ESYT3: variants seen among roughly 807,000 people sequenced by gnomAD.
ESYT3 encodes the protein extended synaptotagmin 3.
A neutral mutation model predicts 111.5 loss-of-function variants in ESYT3; 101 were observed. That is an observed-to-expected ratio of 0.91 (90% CI 0.77 to 1.07). The LOEUF is 1.07. Ranked by LOEUF, ESYT3 falls within the 50% of genes least tolerant of loss-of-function variation. The probability of loss-of-function intolerance (pLI) is 0.00; values close to 1 mark genes in which losing one functional copy is unlikely to be tolerated. For synonymous variants in ESYT3, 416 were observed against 446.8 expected (o/e 0.93, Z 0.87); for missense variants, 1,097 against 1,109.4 (o/e 0.99, Z 0.16).
At chr3:138,459,583 G>C (rs2032504048) in intron 5 of ESYT3, among the ~76,000 whole-genome samples, 1 of 152,224 alleles carries the variant, frequency 6.6e-6, no homozygotes. Flanking sequence ...CCCAGGAGGT[G>C]AAAATAACTC....
chr3:138,441,253 T>A (rs972848177), intron 1 of ESYT3, among the ~76,000 whole-genome samples: 7 of 152,170 alleles, frequency 4.6e-5, no homozygotes, highest in African/African-American at 1.7e-4. Context: ...ACTGCTTCAT[T>A]TACAAGGGGC....
At chr3:138,439,596 CACTG>C (rs1046837191) in intron 1 of ESYT3, among the ~76,000 whole-genome samples, 2 of 152,208 alleles carry the variant, frequency 1.3e-5, no homozygotes, top group Admixed American at 6.5e-5. Context: ...ATCAGCCCTT[CACTG>C]ACCCGTGAAT....
In ESYT3 at chr3:138,472,582, G is replaced by T. The variant is rs762941044; in HGVS notation, c.1960G>T (p.Ala654Ser). Residue 654 changes from alanine to serine, a missense_variant, in exon 18 of 23, where the codon GCC (alanine) becomes TCC (serine). By Grantham distance (99) the Ala-to-Ser change is moderately conservative. Transcript: ENST00000389567. ...TTTTTSATTV[A>S]TEPTSQETGP... Reference sequence around the variant, plus strand: ...AACCACCACCAGTGCTACCACCGTTGCCACTGAGCCCACATCCCAAGAGAC... The same window carrying T: ...AACCACCACCAGTGCTACCACCGTTTCCACTGAGCCCACATCCCAAGAGAC... The T allele has an allele frequency of 1.5e-5, 25 of 1,614,112 alleles. No individual in the cohort carries two copies. The highest frequency in any genetic ancestry group is 2.1e-5 in the Non-Finnish European group (25 of 1,180,050).
At chr3:138,453,640 C>T (rs561018125) in intron 2 of ESYT3, among the ~76,000 whole-genome samples, 18 of 152,246 alleles carry the variant, frequency 1.2e-4, no homozygotes, top group Middle Eastern at 3.4e-3. Flanking sequence ...GTATCTCCAA[C>T]GCCTTGTGTA....
intron 11 of ESYT3, 98 bp from the exon 12 acceptor site, chr3:138,468,007 C>A: frequency 1.9e-6 from 2 of 1,053,558 alleles, no homozygotes; most frequent in Non-Finnish European, 1.4e-6. Context: ...GTTTCCCTGT[C>A]CCTACTAGGA....
intron 22 of ESYT3, 101 bp downstream of exon 22, chr3:138,476,593 A>G (rs1435650193): frequency 1.2e-5 from 14 of 1,208,652 alleles, no homozygotes; most frequent in Non-Finnish European, 1.6e-5. Context: ...GAAGGGAGGG[A>G]GATGAACACC....
chr3:138,479,796 C>T lies in ESYT3; in HGVS notation c.*2942C>T, dbSNP rs2033644027. ...TGGTAGGGAGGCACTTAGTTTCTAACTTCCTTTCTTGTTCACTCTCCCTTA... is the reference window on the plus strand; with the variant it reads ...TGGTAGGGAGGCACTTAGTTTCTAATTTCCTTTCTTGTTCACTCTCCCTTA... On this transcript the variant is annotated 3_prime_UTR_variant, in exon 23 of 23. Transcript: ENST00000389567. 1 of 152,236 alleles carries T rather than the reference C, an allele frequency of 6.6e-6. No individual in the cohort carries two copies. The allele number at this position is 152,236 out of a possible 1,614,324, so 9.4% of individuals were successfully genotyped here. A position where few individuals can be genotyped will look rare whatever the true frequency, so the allele number is the denominator to read the frequency against.
intron 6 of ESYT3, 49 bp downstream of exon 6, chr3:138,460,083 C>G: frequency 6.6e-7 from 1 of 1,519,188 alleles, no homozygotes; most frequent in Admixed American, 1.7e-5. Flanking sequence ...GGAGTAGGCA[C>G]TGGTCTGCTG....
intron 8 of ESYT3, among the ~76,000 whole-genome samples, chr3:138,463,532 A>G (rs1313802647): frequency 6.6e-6 from 1 of 152,208 alleles, no homozygotes; most frequent in Non-Finnish European, 1.5e-5. Flanking sequence ...CACAGTTCCT[A>G]TTGATGGACC....
chr3:138,463,831 A>T (rs987488657), intron 8 of ESYT3, among the ~76,000 whole-genome samples: 4 of 152,192 alleles, frequency 2.6e-5, no homozygotes, highest in African/African-American at 9.7e-5. Flanking sequence ...ATGCAAGTGT[A>T]GGGAGGGGGT....
At chr3:138,439,035 C>T (rs2030942137) in intron 1 of ESYT3, among the ~76,000 whole-genome samples, 1 of 152,068 alleles carries the variant, frequency 6.6e-6, no homozygotes, top group Admixed American at 6.5e-5. Flanking sequence ...CGGGTAGGGA[C>T]TGTGTATAGC....
rs2033577771 is a variant in ESYT3 at position 138,478,306 on chromosome 3, C to T, written c.*1452C>T. On this transcript the variant is annotated 3_prime_UTR_variant, in exon 23 of 23. Coordinates refer to ENST00000389567, the MANE Select transcript of ESYT3 (RefSeq NM_031913.5). The stretch of plus-strand genomic sequence containing the variant: ...TACTTGAATTGTTTTTCACCCTCAC[C>T]ATCCAAGACCGTGTTAAGTACATAG... 6.6e-6 allele frequency: 1 copy of T among 152,146 alleles called. No individual in the cohort carries two copies. The highest frequency in any genetic ancestry group is 2.1e-4 in the South Asian group (1 of 4,826). The allele number at this position is 152,146 out of a possible 1,614,324, so 9.4% of individuals were successfully genotyped here.
intron 10 of ESYT3, among the ~76,000 whole-genome samples, chr3:138,467,215 A>C (rs1367833727): frequency 6.6e-6 from 1 of 152,192 alleles, no homozygotes; most frequent in Admixed American, 6.5e-5. Context: ...AATTTCTGCA[A>C]TGCATGGGTA....
rs2031051581 is a variant in ESYT3 at position 138,440,288 on chromosome 3, C to T, written c.327+5163C>T. ...CAGAGCAGTGGTCCCTGGGATTGCT[C>T]CCTCCAAGCCTCCCTGCCAGCCACT... is the stretch of plus-strand genomic sequence containing the variant. On this transcript the variant is annotated intron_variant, in intron 1 of 22. Transcript: ENST00000389567. The surrounding 1 kb of genome is among the most constrained non-coding windows in gnomAD (Gnocchi z 4.2). Among the ~76,000 whole-genome samples the T allele has an allele frequency of 6.6e-6, 1 of 152,198 alleles. No homozygotes were observed. The highest frequency in any genetic ancestry group is 2.4e-5 in the African/African-American group (1 of 41,442).
Position 138,460,059 on chromosome 3 carries a change from C to A in ESYT3, c.738+25C>A, listed in dbSNP as rs771037756. ...GGTGAGTCCCAAGGACTGCGGTAAG[C>A]CTGCTGCTCCCTGGGAGTAGGCACT... On this transcript the variant is annotated intron_variant, in intron 6 of 22. Transcript: ENST00000389567. 2.5e-6 allele frequency: 4 copies of A among 1,601,660 alleles called. No homozygotes were observed. The East Asian group carries it at 6.7e-5, about 27-fold the overall frequency.
chr3:138,474,981 T>C (rs12637679), intron 20 of ESYT3, among the ~76,000 whole-genome samples: 10,556 of 152,312 alleles, frequency 0.069, 748 homozygotes, highest in East Asian at 0.38. Context: ...CTAGCCAGCT[T>C]AGGAAAATAT....
intron 1 of ESYT3, among the ~76,000 whole-genome samples, chr3:138,449,089 T>A (rs868214656): frequency 6.9e-6 from 1 of 144,730 alleles, no homozygotes; most frequent in Non-Finnish European, 1.5e-5. Context: ...TTTCTTTTTT[T>A]TTTTTTTTTT....
chr3:138,455,064 T>C, intron 2 of ESYT3, 130 bp from the exon 3 acceptor site: 1 of 1,002,096 alleles, frequency 1.0e-6, no homozygotes, highest in Non-Finnish European at 1.5e-6. Flanking sequence ...GGCAAGCAGG[T>C]GAGTGCTGCA....
At chr3:138,445,669 T>G (rs886504427) in intron 1 of ESYT3, among the ~76,000 whole-genome samples, 2 of 152,184 alleles carry the variant, frequency 1.3e-5, no homozygotes, top group African/African-American at 4.8e-5. Context: ...TGCACGTACT[T>G]GAGGTCAGAG....
Sources: gnomAD v4.1 joint callset for allele counts (sites outside exome capture counted in the v4.1 genomes callset) on GRCh38, gnomAD v4.1.1 for gene constraint, Gnocchi (gnomAD v3.1) non-coding constraint, MANE v1.5 for transcripts, NCBI Gene and HGNC (gene_info 2026-07-23, HGNC 2026-07-21) for gene names.